The following PHLPP2 variants were observed in gnomAD, a reference collection of about 807,000 sequenced individuals.
The protein encoded by PHLPP2 is PH domain and leucine rich repeat protein phosphatase 2, also known as PH domain leucine-rich repeat-containing protein phosphatase 2.
A neutral mutation model predicts 124.9 loss-of-function variants in PHLPP2; 66 were observed. The ratio of observed to expected loss-of-function variants is 0.53; its 90% confidence interval spans 0.43 to 0.65. The LOEUF (loss-of-function observed/expected upper bound fraction) is 0.65, where lower values mean the gene tolerates loss of function less well. PHLPP2 is among the 30% of genes least tolerant of loss of function. The pLI, the probability that PHLPP2 is intolerant of heterozygous loss-of-function variation, is 0.00. For synonymous variants in PHLPP2, 681 were observed against 624.7 expected (o/e 1.09, Z -1.34); for missense variants, 1,685 against 1,600.4 (o/e 1.05, Z -0.90).
rs1485044334 is a variant in PHLPP2, at chr16:71,679,504, G to A, written c.922C>T (p.His308Tyr). ...FSQLKGLNLS[H>Y]NKLGLFPILL... is the part of the protein sequence containing the mutation. ...ATAGGAAACAACCCAAGTTTATTAT[G>A]GGACAAGTTCAGGCCCTTCAGTTGA... Residue 308 changes from histidine (H) to tyrosine (Y), a missense_variant, in exon 7 of 19, where the codon CAT becomes TAT. Transcript: ENST00000568954. The A allele has an allele frequency of 6.2e-7, 1 of 1,613,972 alleles. No individual in the cohort carries two copies.
chr16:71,723,628 T>C, intron 1 of PHLPP2: 4 of 354,146 alleles, frequency 1.1e-5, no homozygotes, highest in Admixed American at 5.1e-5. Context: ...GCCGACTGAC[T>C]GACGCCGGGC....
rs1270254766 is a variant in PHLPP2 at position 71,647,415 on chromosome 16, T to C, written c.*1475A>G. On this transcript the variant is annotated 3_prime_UTR_variant, in exon 19 of 19. Coordinates refer to ENST00000568954, the MANE Select transcript of PHLPP2 (RefSeq NM_015020.3). ...ACCACATAAAGTGAATATGCAGTTT[T>C]CAGAAGAGTACACTGTTCAACATTC... 1 of 152,602 alleles carries C rather than the reference T, an allele frequency of 6.6e-6. No individual in the cohort carries two copies. Among genetic ancestry groups the C allele is most frequent in the Non-Finnish European group, 1.5e-5 (1 of 68,024 alleles). 9.5% of individuals were successfully genotyped at this position (152,602 alleles called of 1,614,324 possible). A position where few individuals can be genotyped will look rare whatever the true frequency, so the allele number is the denominator to read the frequency against.
intron 11 of PHLPP2, among the ~76,000 whole-genome samples, chr16:71,667,541 G>A (rs2044850152): frequency 6.6e-6 from 1 of 152,164 alleles, no homozygotes; most frequent in African/African-American, 2.4e-5. Context: ...AGGTCATTCT[G>A]AGAAAAGGTG....
In PHLPP2 at chr16:71,667,250, G is replaced by C. The variant is rs1227083028; in HGVS notation, c.1712C>G (p.Pro571Arg). The change falls in exon 12 of 19, where the codon CCC (proline) becomes CGC (arginine). Residue 571 changes from proline (P) to arginine (R), a missense_variant. By Grantham distance (103) the Pro-to-Arg change is moderately radical (BLOSUM62 -2). Coordinates refer to ENST00000568954, the MANE Select transcript of PHLPP2 (RefSeq NM_015020.3). ...ATGCTGAAGATCCAGCACCTCGAGG[G>C]GGATGTGCTCTACCAGTGTTGGAAG... Reference protein sequence around the residue: ...QNLPTLVEHIPLEVLDLQHNA... With the variant: ...QNLPTLVEHIRLEVLDLQHNA... 5 of 1,613,340 alleles carry C rather than the reference G, an allele frequency of 3.1e-6. No homozygotes were observed. The highest frequency in any genetic ancestry group is 3.3e-5 in the Admixed American group (2 of 59,964).
At chr16:71,698,526 G>T in intron 3 of PHLPP2, 1 of 707,836 alleles carries the variant, frequency 1.4e-6, no homozygotes. Context: ...GCCTAGACTG[G>T]GGATAGCACA....
rs747324341 is a variant in PHLPP2 at position 71,684,554 on chromosome 16, T to C, written c.657A>G (p.Ala219=). Residue 219 remains alanine, a synonymous_variant, in exon 5 of 19, where the codon GCA becomes GCG. Transcript: ENST00000568954. ...RRQYSLAFSS[A]GAQAQTYHVS... is the part of the protein sequence containing the mutation. ...CATGATAGGTCTGAGCTTGGGCTCC[T>C]GCTGAGCTGAAAGCAAGGGAGTATT... The C allele has an allele frequency of 2.7e-5, 44 of 1,613,920 alleles. No individual in the cohort carries two copies. The highest frequency in any genetic ancestry group is 1.8e-4 in the Admixed American group (11 of 60,002).
At chr16:71,656,774 GA>G (rs1350579092) in intron 15 of PHLPP2, 93 bp from the exon 16 acceptor site, 1 of 723,660 alleles carries the variant, frequency 1.4e-6, no homozygotes, top group Admixed American at 2.2e-5. Context: ...TTTTGAGATG[GA>G]GTCTCCCTCT....
At chr16:71,669,784 A>G (rs576828152) in intron 10 of PHLPP2, among the ~76,000 whole-genome samples, 2 of 152,362 alleles carry the variant, frequency 1.3e-5, no homozygotes, top group South Asian at 2.1e-4. Flanking sequence ...CAGAATGAAT[A>G]CAAGTGAGAC....
chr16:71,700,383 C>A (rs1047669465), intron 3 of PHLPP2, among the ~76,000 whole-genome samples: 1 of 150,798 alleles, frequency 6.6e-6, no homozygotes, highest in Non-Finnish European at 1.5e-5. Context: ...ACAGCCTAGG[C>A]AACTGGGTGA....
chr16:71,659,462 G>A (rs1287602659), intron 13 of PHLPP2, among the ~76,000 whole-genome samples: 1 of 152,016 alleles, frequency 6.6e-6, no homozygotes, highest in Non-Finnish European at 1.5e-5. Context: ...TGTTGGCCAG[G>A]ATGGTCTCAA....
chr16:71,649,760 A>G lies in PHLPP2; in HGVS notation c.3102T>C (p.Asn1034=), dbSNP rs2044682522. 6.2e-6 allele frequency: 10 copies of G among 1,614,088 alleles called. No individual in the cohort carries two copies. The highest frequency in any genetic ancestry group is 1.7e-5 in the Admixed American group (1 of 60,002). Residue 1034 remains asparagine, a synonymous_variant, in exon 19 of 19, where the codon AAT becomes AAC. Transcript: ENST00000568954. ...CACAAGTGCAGCCTTCCTCACCAATATTCAAATAAACTACCATCGCCCCTA... is the reference window on the plus strand; with the variant it reads ...CACAAGTGCAGCCTTCCTCACCAATGTTCAAATAAACTACCATCGCCCCTA... ...DNVGAMVVYL[N]IGEEGCTCEM... is the part of the protein sequence containing the mutation.
At chr16:71,719,382 A>T (rs772755528) in intron 1 of PHLPP2, among the ~76,000 whole-genome samples, 1 of 151,826 alleles carries the variant, frequency 6.6e-6, no homozygotes. Context: ...TTAAAAATAC[A>T]GAAGAATTAC....
chr16:71,656,754 C>CTTT (rs796742202), intron 15 of PHLPP2, 73 bp from the exon 16 acceptor site: 27 of 695,908 alleles, frequency 3.9e-5, no homozygotes, highest in African/African-American at 5.7e-5. Context: ...CAATAGTATT[C>CTTT]TTTTTTTTTT....
chr16:71,720,739 C>T (rs2045393237), intron 1 of PHLPP2, among the ~76,000 whole-genome samples: 2 of 152,074 alleles, frequency 1.3e-5, no homozygotes, highest in Admixed American at 1.3e-4. Flanking sequence ...TGGCACATGC[C>T]TGTAATCCCA....
rs368910135 is a variant in PHLPP2 at position 71,684,526 on chromosome 16, T to C, written c.685A>G (p.Ser229Gly). Residue 229 changes from serine to glycine, a missense_variant, in exon 5 of 19, where the codon AGC becomes GGC. Transcript: ENST00000568954. ...TGGTACTCGGCCAAAGTCTCGAAGC[T>C]GACATGATAGGTCTGAGCTTGGGCT... ...AGAQAQTYHV[S>G]FETLAEYQRW... is the part of the protein sequence containing the mutation. 6.2e-7 allele frequency: 1 copy of C among 1,613,968 alleles called. No individual in the cohort carries two copies. Among genetic ancestry groups the C allele is most frequent in the South Asian group, 1.1e-5 (1 of 91,070 alleles).
At chr16:71,663,278 A>C (rs2044809091) in intron 13 of PHLPP2, among the ~76,000 whole-genome samples, 1 of 152,156 alleles carries the variant, frequency 6.6e-6, no homozygotes, top group Admixed American at 6.5e-5. Context: ...CGTACGGCTA[A>C]TATTTTGTAG....
At chr16:71,660,945 G>A (rs1275667957) in intron 13 of PHLPP2, among the ~76,000 whole-genome samples, 1 of 152,090 alleles carries the variant, frequency 6.6e-6, no homozygotes, top group Non-Finnish European at 1.5e-5. Context: ...TGAACTGATA[G>A]TGGATTTATT....
chr16:71,658,717 G>T lies in PHLPP2; in HGVS notation c.2084C>A (p.Thr695Asn). The change falls in exon 14 of 19, where the codon ACC becomes AAC. Residue 695 changes from threonine (T) to asparagine (N), a missense_variant. Coordinates refer to ENST00000568954, the MANE Select transcript of PHLPP2 (RefSeq NM_015020.3). ...TTIANCKRLH[T>N]LVAHSNNISI... Reference sequence around the variant, plus strand: ...GATGTTGTTGGAGTGTGCAACAAGGGTGTGCAGCCTTTTACAGTTTGCTAT... The same window carrying T: ...GATGTTGTTGGAGTGTGCAACAAGGTTGTGCAGCCTTTTACAGTTTGCTAT... The T allele has an allele frequency of 6.2e-7, 1 of 1,614,120 alleles. No homozygotes were observed.
At chr16:71,670,695 A>AACACACACACACACACACACACACAC (rs71153651) in intron 10 of PHLPP2, among the ~76,000 whole-genome samples, 1,799 of 128,954 alleles carry the variant, frequency 0.014, 52 homozygotes, top group East Asian at 0.071. Flanking sequence ...AGAGGCTGAA[A>AACACACACACACACACACACACACAC]ACACACACAC....
Sources: allele counts gnomAD v4.1 joint callset (sites outside exome capture counted in the v4.1 genomes callset), GRCh38; gene constraint gnomAD v4.1.1; transcripts MANE v1.5; gene names NCBI Gene and HGNC (gene_info 2026-07-23, HGNC 2026-07-21).